The following GSR variants were observed in gnomAD, a reference collection of about 807,000 sequenced individuals.
GSR encodes the protein glutathione reductase, mitochondrial.
A neutral mutation model predicts 56.5 loss-of-function variants in GSR; 48 were observed. The observed-to-expected ratio is 0.85, with a 90% CI of 0.67 to 1.08. The LOEUF (loss-of-function observed/expected upper bound fraction) is 1.08. GSR is among the 50% of genes least tolerant of loss of function. The pLI is 0.00. For synonymous variants in GSR, 264 were observed against 270.8 expected, an observed-to-expected ratio of 0.97 and a Z score of 0.25; for missense variants, 694 against 703.3, an observed-to-expected ratio of 0.99 and a Z score of 0.15.
intron 3 of GSR, among the ~76,000 whole-genome samples, chr8:30,708,958 C>CA (rs769951825): frequency 0.048 from 2,674 of 56,086 alleles, 57 homozygotes; most frequent in African/African-American, 0.077. Context: ...GACTCCGTCT[C>CA]AAAAAAAAAA....
chr8:30,725,708 C>T (rs1460609892), intron 1 of GSR, among the ~76,000 whole-genome samples: 1 of 151,592 alleles, frequency 6.6e-6, no homozygotes, highest in East Asian at 1.9e-4. Flanking sequence ...ATGGCAAAAC[C>T]CCATCTCTAT....
chr8:30,717,044 C>A (rs1378021351), intron 1 of GSR, among the ~76,000 whole-genome samples: 1 of 152,116 alleles, frequency 6.6e-6, no homozygotes, highest in African/African-American at 2.4e-5. Context: ...TCAAGACCAG[C>A]CTGACCAACA....
chr8:30,702,740 C>A (rs2128744277), intron 5 of GSR, among the ~76,000 whole-genome samples: 1 of 152,264 alleles, frequency 6.6e-6, no homozygotes, highest in East Asian at 1.9e-4. Flanking sequence ...AGTTCAAGAC[C>A]AGCCTGGCCA....
intron 5 of GSR, among the ~76,000 whole-genome samples, chr8:30,700,608 C>G (rs1011975270): frequency 2.6e-5 from 4 of 151,148 alleles, no homozygotes; most frequent in Admixed American, 1.3e-4. Flanking sequence ...CCTATAGTCC[C>G]AGCTACTTGG....
intron 6 of GSR, among the ~76,000 whole-genome samples, chr8:30,696,978 T>C (rs1447357948): frequency 6.6e-6 from 1 of 152,060 alleles, no homozygotes; most frequent in Non-Finnish European, 1.5e-5. Flanking sequence ...GCATTACAGG[T>C]GTAAGCTACC....
intron 6 of GSR, among the ~76,000 whole-genome samples, chr8:30,699,780 T>C (rs1378707907): frequency 6.6e-6 from 1 of 152,112 alleles, no homozygotes; most frequent in Non-Finnish European, 1.5e-5. Flanking sequence ...CAAGCTACTT[T>C]AGACACATTC....
rs374446690 is a variant in GSR at position 30,691,369 on chromosome 8, A to ACAAAC, written c.882+1595_882+1599dup. Among the ~76,000 whole-genome samples the ACAAAC allele has an allele frequency of 3.8e-3, 576 of 151,090 alleles. 5 individuals are homozygous for ACAAAC. Among genetic ancestry groups the ACAAAC allele is most frequent in the African/African-American group, 0.014 (560 of 41,104 alleles). On this transcript the variant is annotated intron_variant, in intron 8 of 12. Coordinates refer to ENST00000221130, the MANE Select transcript of GSR (RefSeq NM_000637.5). ...GACCCTGTCTCAAAAACAAAACAAA[A>ACAAAC]CAAACAAACCAAAAAACCCAAGAAA...
In GSR at chr8:30,685,750, C is replaced by T. The variant is rs569687969; in HGVS notation, c.1042-1551G>A. Among the ~76,000 whole-genome samples the T allele has an allele frequency of 6.0e-4, 91 of 151,944 alleles. 1 individual carries two copies. The highest frequency in any genetic ancestry group is 2.0e-3 in the African/African-American group (83 of 41,466). On this transcript the variant is annotated intron_variant, in intron 9 of 12. Coordinates refer to ENST00000221130, the MANE Select transcript of GSR (RefSeq NM_000637.5). The stretch of plus-strand genomic sequence containing the variant: ...TAGCACTTCGGGAGGCCAAGGCGGG[C>T]GGATCACCTGAGGTCAGGAGTTTGA...
Position 30,709,891 on chromosome 8 carries a change from G to A in GSR, c.345C>T (p.Asn115=). Residue 115 remains asparagine (N), a synonymous_variant, in exon 3 of 13, where the codon AAC becomes AAT. Transcript: ENST00000221130. ...VGCVPKKVMW[N]TAVHSEFMHD... is the part of the protein sequence containing the mutation. ...GCATGAATTCAGAGTGGACAGCTGT[G>A]TTCCACATTACCTGTAAAAAAAAAA... 7.1e-7 allele frequency: 1 copy of A among 1,399,042 alleles called. No homozygotes were observed. The highest frequency in any genetic ancestry group is 1.0e-6 in the Non-Finnish European group (1 of 1,000,858). 86.7% of individuals were successfully genotyped at this position (1,399,042 alleles called of 1,614,324 possible). A position where few individuals can be genotyped will look rare whatever the true frequency, so the allele number is the denominator to read the frequency against.
At chr8:30,703,290 C>T (rs1269528772) in intron 4 of GSR, 50 bp from the exon 5 acceptor site, 1 of 1,492,292 alleles carries the variant, frequency 6.7e-7, no homozygotes, top group Non-Finnish European at 9.4e-7. Context: ...AAAACAAAGA[C>T]ACCTACTGCA....
chr8:30,678,853 T>G lies in GSR; in HGVS notation c.*667A>C, dbSNP rs1010633614. ...TACATGTGAAGAATTGCCATCAACT[T>G]CTGTGAAAATTAGCAAGCTGGCACA... On this transcript the variant is annotated 3_prime_UTR_variant, in exon 13 of 13. Coordinates refer to ENST00000221130, the MANE Select transcript of GSR (RefSeq NM_000637.5). 2.0e-5 allele frequency: 3 copies of G among 152,626 alleles called. No homozygotes were observed. The highest frequency in any genetic ancestry group is 4.4e-5 in the Non-Finnish European group (3 of 68,484). The allele number at this position is 152,626 out of a possible 1,614,324, so 9.5% of individuals were successfully genotyped here.
At chr8:30,683,480 T>A (rs1470928036) in intron 10 of GSR, among the ~76,000 whole-genome samples, 2 of 152,056 alleles carry the variant, frequency 1.3e-5, no homozygotes, top group Non-Finnish European at 2.9e-5. Flanking sequence ...CAGTCTTGGT[T>A]GTATCAAGAC....
intron 2 of GSR, among the ~76,000 whole-genome samples, chr8:30,710,753 A>G (rs1804110640): frequency 7.5e-6 from 1 of 134,046 alleles, no homozygotes; most frequent in Non-Finnish European, 1.5e-5. Context: ...AAAGAAAAGA[A>G]AAAAAAGAAA....
chr8:30,700,723 CAAAAAAAAAAAAAA>C (rs55702917), intron 5 of GSR, among the ~76,000 whole-genome samples: 13 of 80,056 alleles, frequency 1.6e-4, no homozygotes, highest in South Asian at 5.1e-4. Flanking sequence ...ATTTTGTCTC[CAAAAAAAAAAAAAA>C]AAAAAAAAAA....
Position 30,709,905 on chromosome 8 carries a change from G to C in GSR, c.334-3C>G. ...TGGACAGCTGTGTTCCACATTACCTGTAAAAAAAAAAAAAAAAAAGGATCC... is the reference window on the plus strand; with the variant it reads ...TGGACAGCTGTGTTCCACATTACCTCTAAAAAAAAAAAAAAAAAAGGATCC... On this transcript the variant is annotated splice_region_variant and splice_polypyrimidine_tract_variant and intron_variant, in intron 2 of 12. Transcript: ENST00000221130. The C allele has an allele frequency of 1.1e-6, 1 of 909,846 alleles. No homozygotes were observed. The highest frequency in any genetic ancestry group is 1.6e-6 in the Non-Finnish European group (1 of 621,936). 56.4% of individuals were successfully genotyped at this position (909,846 alleles called of 1,614,324 possible).
chr8:30,709,736 C>T, intron 3 of GSR, 78 bp downstream of exon 3: 1 of 817,610 alleles, frequency 1.2e-6, no homozygotes, highest in Non-Finnish European at 2.2e-6. Context: ...TCCTCCATCC[C>T]TAAAAAAGTT....
intron 6 of GSR, among the ~76,000 whole-genome samples, chr8:30,697,650 A>T (rs897061370): frequency 3.3e-5 from 5 of 151,996 alleles, no homozygotes; most frequent in African/African-American, 1.2e-4. Flanking sequence ...AAAAATCCCT[A>T]ATATCCCGTC....
At chr8:30,700,157 A>G (rs373717593) in intron 5 of GSR, 22 bp from the exon 6 acceptor site, 1 of 1,545,670 alleles carries the variant, frequency 6.5e-7, no homozygotes, top group Admixed American at 1.7e-5. Context: ...AAGGCAACAT[A>G]GATCACACAA....
In GSR at chr8:30,727,626, G is replaced by GATCA. The variant is rs1563549860; in HGVS notation, c.206_209dup (p.Gly71AspfsTer52). ...TGGCCAGCCCGCCCGAGCCGCCCCCGATCACCAGGTAGTCATAGGAGGCCA... is the reference window on the plus strand; with the variant it reads ...TGGCCAGCCCGCCCGAGCCGCCCCCGATCAATCACCAGGTAGTCATAGGAGGCCA... On this transcript the variant is annotated frameshift_variant, in exon 1 of 13. Transcript: ENST00000221130. LOFTEE classifies it high-confidence loss of function. 6.6e-7 allele frequency: 1 copy of GATCA among 1,509,186 alleles called. No individual in the cohort carries two copies. The allele number at this position is 1,509,186 out of a possible 1,614,324, so 93.5% of individuals were successfully genotyped here.
Sources: gnomAD v4.1 joint callset for allele counts (sites outside exome capture counted in the v4.1 genomes callset) on GRCh38, gnomAD v4.1.1 for gene constraint, MANE v1.5 for transcripts, NCBI Gene and HGNC (gene_info 2026-07-23, HGNC 2026-07-21) for gene names.